The following MYO3B variants were observed in gnomAD, a reference collection of about 807,000 sequenced individuals.
MYO3B encodes myosin IIIB.
A neutral mutation model predicts 174.6 loss-of-function variants in MYO3B; 156 were observed. The ratio of observed to expected loss-of-function variants is 0.89; its 90% CI spans 0.78 to 1.02. The LOEUF (loss-of-function observed/expected upper bound fraction) is 1.02, where lower values mean the gene tolerates loss of function less well. MYO3B is among the 50% of genes least tolerant of loss of function. The pLI, the probability that MYO3B is intolerant of heterozygous loss-of-function variation, is 0.00. For synonymous variants in MYO3B, 563 were observed against 569.1 expected (o/e 0.99, Z 0.15); for missense variants, 1,632 against 1,639.4 (o/e 1.00, Z 0.08).
chr2:170,526,593 A>G (rs1248074951), intron 30 of MYO3B, among the ~76,000 whole-genome samples: 2 of 152,326 alleles, frequency 1.3e-5, no homozygotes, highest in African/African-American at 2.4e-5. Flanking sequence ...CCTTACCAAC[A>G]TTGCCAGCAT....
At chr2:170,399,668 A>T (rs1340423450) in intron 16 of MYO3B, among the ~76,000 whole-genome samples, 1 of 152,172 alleles carries the variant, frequency 6.6e-6, no homozygotes, top group Non-Finnish European at 1.5e-5. Flanking sequence ...CATAAAAGCG[A>T]TATTCAAAAG....
chr2:170,615,421 A>G (rs1330507789), intron 32 of MYO3B, among the ~76,000 whole-genome samples: 2 of 152,240 alleles, frequency 1.3e-5, no homozygotes, highest in Non-Finnish European at 2.9e-5. Context: ...GCTGTCTGAG[A>G]AAAGAGCTTT....
intron 1 of MYO3B, among the ~76,000 whole-genome samples, chr2:170,192,468 T>G (rs2092552174): frequency 6.6e-6 from 1 of 151,292 alleles, no homozygotes; most frequent in East Asian, 1.9e-4. Context: ...TTTTCTTGAT[T>G]AATCTATTTT....
chr2:170,214,292 T>C, intron 3 of MYO3B, 87 bp from the exon 4 acceptor site: 2 of 1,010,648 alleles, frequency 2.0e-6, no homozygotes, highest in Non-Finnish European at 3.0e-6. Flanking sequence ...ATTGAATCAG[T>C]ATCAGTCGGC....
intron 17 of MYO3B, among the ~76,000 whole-genome samples, chr2:170,400,996 C>T (rs2094472576): frequency 6.6e-6 from 1 of 152,202 alleles, no homozygotes; most frequent in Non-Finnish European, 1.5e-5. Flanking sequence ...TCTGAATCCA[C>T]TAAATCAGCA....
intron 28 of MYO3B, among the ~76,000 whole-genome samples, chr2:170,504,929 T>TC (rs1461891374): frequency 6.6e-6 from 1 of 152,298 alleles, no homozygotes; most frequent in African/African-American, 2.4e-5. Context: ...TGGAAACCTC[T>TC]CCCCCAACTC....
At chr2:170,297,862 G>T (rs2093638672) in intron 7 of MYO3B, among the ~76,000 whole-genome samples, 1 of 152,118 alleles carries the variant, frequency 6.6e-6, no homozygotes, top group African/African-American at 2.4e-5. Flanking sequence ...GATACTATAG[G>T]AATAGCTGCA....
intron 32 of MYO3B, among the ~76,000 whole-genome samples, chr2:170,577,862 A>G (rs1484410783): frequency 1.3e-5 from 2 of 152,186 alleles, no homozygotes; most frequent in Non-Finnish European, 2.9e-5. Context: ...CTTAATAAAA[A>G]TGTTTTCCTT....
intron 16 of MYO3B, among the ~76,000 whole-genome samples, chr2:170,396,597 C>T (rs954348193): frequency 6.6e-6 from 1 of 152,176 alleles, no homozygotes; most frequent in Admixed American, 6.5e-5. Flanking sequence ...GTGATTCACA[C>T]AGTGTTTGAA....
chr2:170,474,451 C>G (rs568056682), intron 25 of MYO3B, among the ~76,000 whole-genome samples: 10 of 151,844 alleles, frequency 6.6e-5, no homozygotes, highest in African/African-American at 2.2e-4. Flanking sequence ...CGATAGGCAT[C>G]CATGGCTGGA....
At chr2:170,400,152 A>T in intron 16 of MYO3B, 36 bp from the exon 17 acceptor site, 1 of 1,613,672 alleles carries the variant, frequency 6.2e-7, no homozygotes, top group East Asian at 2.2e-5. Flanking sequence ...TTGACTGGCA[A>T]TGACCTTCAT....
chr2:170,300,259 A>C (rs1281715877), intron 7 of MYO3B, among the ~76,000 whole-genome samples: 2 of 152,212 alleles, frequency 1.3e-5, no homozygotes, highest in Non-Finnish European at 2.9e-5. Flanking sequence ...AAAGCCTTTG[A>C]AAAGTGACTC....
chr2:170,640,615 T>C (rs750448969), intron 32 of MYO3B: 4 of 152,244 alleles, frequency 2.6e-5, no homozygotes, highest in Non-Finnish European at 5.9e-5. Context: ...AAGTTACTTT[T>C]TTCAATTCTC....
intron 7 of MYO3B, among the ~76,000 whole-genome samples, chr2:170,248,991 C>A (rs1033359767): frequency 1.2e-4 from 19 of 152,192 alleles, no homozygotes; most frequent in African/African-American, 4.1e-4. Flanking sequence ...ATTGTGTGGC[C>A]TCTGACTTGT....
intron 3 of MYO3B, among the ~76,000 whole-genome samples, chr2:170,211,908 A>G (rs1259583335): frequency 6.6e-6 from 1 of 151,168 alleles, no homozygotes; most frequent in Non-Finnish European, 1.5e-5. Flanking sequence ...ATAAACCCTG[A>G]TAGTTGGGGT....
chr2:170,401,381 A>G, intron 17 of MYO3B, 100 bp from the exon 18 acceptor site: 2 of 1,118,312 alleles, frequency 1.8e-6, no homozygotes, highest in Non-Finnish European at 2.6e-6. Context: ...AAAAGTACCC[A>G]AATGGAGTCT....
rs1200755501 is a variant in MYO3B at position 170,387,194 on chromosome 2, A to AAATAT, written c.1463_1464insAATAT (p.Asn488LysfsTer13). 5 of 1,613,966 alleles carry AAATAT rather than the reference A, an allele frequency of 3.1e-6. No individual in the cohort carries two copies. The Admixed American group carries it at 8.3e-5, about 27-fold the overall frequency. ...AACTCATGCACTGCCATCAATGACA[A>AAATAT]CTCGAGCCGTTTTGGAAAATATCTG... On this transcript the variant is annotated frameshift_variant, in exon 14 of 35. Coordinates refer to ENST00000408978, the MANE Select transcript of MYO3B (RefSeq NM_138995.5). LOFTEE classifies it high-confidence loss of function.
chr2:170,631,913 T>A (rs1697021803), intron 32 of MYO3B, among the ~76,000 whole-genome samples: 1 of 152,122 alleles, frequency 6.6e-6, no homozygotes, highest in Non-Finnish European at 1.5e-5. Context: ...AACCATTACA[T>A]AACGGTAAAG....
intron 22 of MYO3B, among the ~76,000 whole-genome samples, chr2:170,428,303 C>T (rs906288019): frequency 6.6e-6 from 1 of 152,224 alleles, no homozygotes; most frequent in Non-Finnish European, 1.5e-5. Flanking sequence ...CATCACCACC[C>T]ACTTCTTCTG....
Sources: gnomAD v4.1 joint callset for allele counts (sites outside exome capture counted in the v4.1 genomes callset) on GRCh38, gnomAD v4.1.1 for gene constraint, MANE v1.5 for transcripts, NCBI Gene and HGNC (gene_info 2026-07-23, HGNC 2026-07-21) for gene names.